NEGR1: variants seen among roughly 807,000 people sequenced by gnomAD.
NEGR1 encodes neuronal growth regulator 1, also known as IgLON family member 4.
NEGR1 carries 10 observed loss-of-function variants against 40.9 expected under a neutral mutation model. The observed-to-expected ratio is 0.24, with a 90% CI of 0.15 to 0.42. The LOEUF is 0.42. Among genes scored for constraint, NEGR1 ranks in the 10% least tolerant of loss-of-function variants. The probability of loss-of-function intolerance (pLI) is 1.00; values close to 1 mark genes in which losing one functional copy is unlikely to be tolerated. For synonymous variants in NEGR1, 185 were observed against 166.8 expected, an observed-to-expected ratio of 1.11 and a Z score of -0.84; for missense variants, 352 against 438.9, an observed-to-expected ratio of 0.80 and a Z score of 1.77.
intron 2 of NEGR1, among the ~76,000 whole-genome samples, chr1:71,895,786 A>G (rs1410488307): frequency 2.6e-5 from 4 of 152,130 alleles, no homozygotes; most frequent in African/African-American, 9.7e-5. Flanking sequence ...GTGAACATAT[A>G]TTTTCAATTT....
chr1:72,080,952 G>A (rs1647970691), intron 1 of NEGR1, among the ~76,000 whole-genome samples: 2 of 152,108 alleles, frequency 1.3e-5, no homozygotes, highest in African/African-American at 4.8e-5. Flanking sequence ...GAATGAATGT[G>A]CCTCTGGTTG....
At chr1:71,761,203 T>C (rs887190674) in intron 3 of NEGR1, among the ~76,000 whole-genome samples, 3 of 152,182 alleles carry the variant, frequency 2.0e-5, no homozygotes, top group African/African-American at 7.2e-5. Flanking sequence ...TTAAAGGACC[T>C]GATGGTAAGT....
At chr1:72,044,031 A>G (rs1646979153) in intron 1 of NEGR1, among the ~76,000 whole-genome samples, 1 of 151,836 alleles carries the variant, frequency 6.6e-6, no homozygotes, top group Non-Finnish European at 1.5e-5. Context: ...AACAAGTAAA[A>G]GCCTTTATCA....
intron 1 of NEGR1, among the ~76,000 whole-genome samples, chr1:72,168,475 C>A (rs1651847194): frequency 6.6e-6 from 1 of 151,942 alleles, no homozygotes; most frequent in Non-Finnish European, 1.5e-5. Context: ...TGAAGATTTT[C>A]TGGTGGGTTT....
intron 1 of NEGR1, among the ~76,000 whole-genome samples, chr1:71,950,524 C>G (rs17091969): frequency 0.12 from 18,311 of 151,898 alleles, 1,153 homozygotes; most frequent in South Asian, 0.18. Context: ...TAAAGAACTC[C>G]TTACTGCTTT....
chr1:71,946,698 G>C (rs1359937654), intron 1 of NEGR1, among the ~76,000 whole-genome samples: 1 of 151,774 alleles, frequency 6.6e-6, no homozygotes, highest in Non-Finnish European at 1.5e-5. Context: ...ATATAAATTA[G>C]CATTAAAATA....
At chr1:71,444,945 G>C (rs1025484341) in intron 6 of NEGR1, among the ~76,000 whole-genome samples, 2 of 152,156 alleles carry the variant, frequency 1.3e-5, no homozygotes, top group African/African-American at 4.8e-5. Context: ...AGACATTGGA[G>C]ATACCACAGC....
chr1:72,271,811 G>T (rs1557608043), intron 1 of NEGR1, among the ~76,000 whole-genome samples: 1 of 151,790 alleles, frequency 6.6e-6, no homozygotes, highest in Non-Finnish European at 1.5e-5. Context: ...ATGAGAGGCG[G>T]TCTTTCCCAT....
At chr1:71,905,588 T>C (rs1661254026) in intron 2 of NEGR1, among the ~76,000 whole-genome samples, 1 of 152,052 alleles carries the variant, frequency 6.6e-6, no homozygotes, top group South Asian at 2.1e-4. Flanking sequence ...CCATTGGTCA[T>C]TATTTAGTCC....
chr1:71,753,781 A>G (rs1655644465), intron 3 of NEGR1, among the ~76,000 whole-genome samples: 1 of 152,134 alleles, frequency 6.6e-6, no homozygotes, highest in African/African-American at 2.4e-5. Context: ...CGAATCCAAC[A>G]TATGCTCTGT....
intron 4 of NEGR1, among the ~76,000 whole-genome samples, chr1:71,679,470 T>G (rs1652757638): frequency 6.6e-6 from 1 of 152,164 alleles, no homozygotes; most frequent in South Asian, 2.1e-4. Flanking sequence ...TTTACATATA[T>G]TTGCCATTGT....
At chr1:72,067,946 T>C (rs1647317107) in intron 1 of NEGR1, among the ~76,000 whole-genome samples, 1 of 152,174 alleles carries the variant, frequency 6.6e-6, no homozygotes, top group Non-Finnish European at 1.5e-5. Flanking sequence ...GGCTTTGGTA[T>C]TCAGTTGTGA....
At chr1:71,414,759 C>T (rs1470683148) in intron 6 of NEGR1, among the ~76,000 whole-genome samples, 1 of 152,078 alleles carries the variant, frequency 6.6e-6, no homozygotes, top group Non-Finnish European at 1.5e-5. Context: ...GAAGAATGCC[C>T]GAGTAGCATA....
chr1:72,136,597 C>CA (rs71074821), intron 1 of NEGR1, among the ~76,000 whole-genome samples: 57,926 of 132,208 alleles, frequency 0.44, 13,021 homozygotes, highest in Admixed American at 0.57. Context: ...TCTTAGCCAG[C>CA]AAAAAAAATG....
chr1:71,551,642 G>T lies in NEGR1; in HGVS notation c.940+41175C>A, dbSNP rs191982086. On this transcript the variant is annotated intron_variant, in intron 6 of 6. Transcript: ENST00000357731. ...AGTTTTCCCTTTCCCACCCGTGGTA[G>T]ACATTGCTAATCAATCACAGTGCTC... 2.3e-3 allele frequency among the ~76,000 whole-genome samples: 346 copies of T among 151,668 alleles called. 1 individual carries two copies. The highest frequency in any genetic ancestry group is 7.9e-3 in the African/African-American group (328 of 41,464).
intron 1 of NEGR1, among the ~76,000 whole-genome samples, chr1:72,265,740 T>C (rs964094563): frequency 2.0e-5 from 3 of 150,980 alleles, no homozygotes; most frequent in Admixed American, 2.0e-4. Flanking sequence ...TTCCTATTTT[T>C]ATAAATTTTA....
intron 1 of NEGR1, among the ~76,000 whole-genome samples, chr1:71,958,200 T>G: frequency 6.6e-6 from 1 of 152,238 alleles, no homozygotes; most frequent in South Asian, 2.1e-4. Context: ...TGAAATTTAA[T>G]GCCTTGTAGC....
chr1:71,636,553 AAAGC>A (rs1651157435), intron 4 of NEGR1, among the ~76,000 whole-genome samples: 1 of 152,108 alleles, frequency 6.6e-6, no homozygotes, highest in Non-Finnish European at 1.5e-5. Context: ...ATTGCCATCA[AAAGC>A]AAGCTTCTCC....
intron 1 of NEGR1, among the ~76,000 whole-genome samples, chr1:72,123,962 A>G (rs1481908502): frequency 6.6e-6 from 1 of 152,054 alleles, no homozygotes; most frequent in African/African-American, 2.4e-5. Context: ...CACTTTAAGC[A>G]ATAATGTTCT....
Sources: allele counts gnomAD v4.1 joint callset (sites outside exome capture counted in the v4.1 genomes callset), GRCh38; gene constraint gnomAD v4.1.1; transcripts MANE v1.5; gene names NCBI Gene and HGNC (gene_info 2026-07-23, HGNC 2026-07-21).